Variants in ADAMTS16 observed in about 807,000 individuals in gnomAD.
ADAMTS16 encodes ADAM metallopeptidase with thrombospondin type 1 motif 16.
Under a neutral mutation model 145.8 loss-of-function variants are expected in ADAMTS16, and 94 were observed. The ratio of observed to expected loss-of-function variants is 0.64; its 90% CI spans 0.55 to 0.77. The LOEUF is 0.77. Among genes scored for constraint, ADAMTS16 ranks in the 30% least tolerant of loss-of-function variants. The pLI, the probability that ADAMTS16 is intolerant of heterozygous loss-of-function variation, is 0.00. For synonymous variants in ADAMTS16, 659 were observed against 604.3 expected (o/e 1.09, Z -1.33); for missense variants, 1,585 against 1,591.5 (o/e 1.00, Z 0.07).
intron 18 of ADAMTS16, among the ~76,000 whole-genome samples, chr5:5,286,841 G>T (rs529539394): frequency 1.3e-4 from 17 of 133,316 alleles, no homozygotes; most frequent in Middle Eastern, 4.6e-3. Context: ...CTGGGCGATG[G>T]AGCAAGACTC....
chr5:5,279,118 T>C (rs1579373066), intron 18 of ADAMTS16, among the ~76,000 whole-genome samples: 1 of 152,180 alleles, frequency 6.6e-6, no homozygotes, highest in Non-Finnish European at 1.5e-5. Flanking sequence ...TCATTCCCAG[T>C]GCTGCCCTCC....
intron 2 of ADAMTS16, among the ~76,000 whole-genome samples, chr5:5,143,969 G>A (rs537427851): frequency 2.7e-3 from 396 of 144,784 alleles, no homozygotes; most frequent in Non-Finnish European, 4.5e-3. Context: ...ATCACACACC[G>A]GGCTTGTTGG....
At chr5:5,206,425 C>CAA (rs1173829992) in intron 9 of ADAMTS16, among the ~76,000 whole-genome samples, 2,072 of 39,008 alleles carry the variant, frequency 0.053, 355 homozygotes, top group African/African-American at 0.14. Context: ...GACTCCGTCT[C>CAA]AAAAAAAAAA....
At chr5:5,260,562 G>C (rs976406334) in intron 17 of ADAMTS16, among the ~76,000 whole-genome samples, 2 of 152,124 alleles carry the variant, frequency 1.3e-5, no homozygotes, top group African/African-American at 2.4e-5. Flanking sequence ...AAACTGTGAG[G>C]GTCCTATGTA....
chr5:5,209,333 T>G, intron 10 of ADAMTS16, 87 bp downstream of exon 10: 1 of 1,482,420 alleles, frequency 6.7e-7, no homozygotes, highest in Non-Finnish European at 9.2e-7. Context: ...ATTCTGCATT[T>G]ATTGGGTACC....
intron 11 of ADAMTS16, chr5:5,223,167 G>A (rs1579321817): frequency 4.8e-6 from 2 of 415,782 alleles, no homozygotes; most frequent in South Asian, 3.3e-5. Context: ...GAAACATTAA[G>A]CCATTGACCA....
rs531872907 is a variant in ADAMTS16 at position 5,184,330 on chromosome 5, C to A, written c.764-1722C>A. Among the ~76,000 whole-genome samples, 325 of 108,852 alleles carry A rather than the reference C, an allele frequency of 3.0e-3. 1 individual carries two copies. Among genetic ancestry groups the A allele is most frequent in the African/African-American group, 9.6e-3 (303 of 31,630 alleles). 71.4% of individuals were successfully genotyped at this position (108,852 alleles called of 152,430 possible). ...TGTCACCTACACACAGATGCACCCCCAGGGCACTGTCACCGATGCATGGAT... is the reference window on the plus strand; with the variant it reads ...TGTCACCTACACACAGATGCACCCCAAGGGCACTGTCACCGATGCATGGAT... On this transcript the variant is annotated intron_variant, in intron 4 of 22. Coordinates refer to ENST00000274181, the MANE Select transcript of ADAMTS16 (RefSeq NM_139056.4).
chr5:5,234,001 C>A (rs1486311640), intron 12 of ADAMTS16, among the ~76,000 whole-genome samples: 1 of 152,184 alleles, frequency 6.6e-6, no homozygotes, highest in Non-Finnish European at 1.5e-5. Flanking sequence ...CTCGCCAGCA[C>A]CTGTTATCTT....
At chr5:5,146,025 C>G (rs1305447016) in intron 2 of ADAMTS16, 105 bp from the exon 3 acceptor site, 1 of 971,936 alleles carries the variant, frequency 1.0e-6, no homozygotes, top group Non-Finnish European at 1.5e-6. Flanking sequence ...TCATTTTTGA[C>G]TGGGTGGAAA....
intron 18 of ADAMTS16, among the ~76,000 whole-genome samples, chr5:5,272,431 G>A (rs778314399): frequency 9.1e-5 from 13 of 143,312 alleles, no homozygotes; most frequent in Non-Finnish European, 1.6e-4. Flanking sequence ...GCGCAATCTC[G>A]GCTCACTGCA....
At chr5:5,162,716 C>T (rs1045604027) in intron 3 of ADAMTS16, among the ~76,000 whole-genome samples, 1 of 148,148 alleles carries the variant, frequency 6.8e-6, no homozygotes, top group Non-Finnish European at 1.5e-5. Context: ...GATGAAAGAC[C>T]AGAGAGAGAG....
intron 21 of ADAMTS16, 50 bp from the exon 22 acceptor site, chr5:5,318,084 G>C: frequency 7.6e-7 from 1 of 1,313,756 alleles, no homozygotes; most frequent in Non-Finnish European, 9.8e-7. Flanking sequence ...AGGTTGACCA[G>C]GTGCCTGAGA....
chr5:5,248,216 G>A (rs1737514784), intron 17 of ADAMTS16, among the ~76,000 whole-genome samples: 1 of 152,094 alleles, frequency 6.6e-6, no homozygotes, highest in Non-Finnish European at 1.5e-5. Context: ...TCATTCTATA[G>A]TTCACATTAT....
At chr5:5,234,402 T>C (rs1387492539) in intron 12 of ADAMTS16, among the ~76,000 whole-genome samples, 3 of 152,176 alleles carry the variant, frequency 2.0e-5, no homozygotes, top group Non-Finnish European at 4.4e-5. Flanking sequence ...AGCCCCTCCC[T>C]GTGCAGGGTG....
At chr5:5,167,092 T>A (rs1734905235) in intron 3 of ADAMTS16, among the ~76,000 whole-genome samples, 1 of 152,264 alleles carries the variant, frequency 6.6e-6, no homozygotes, top group Non-Finnish European at 1.5e-5. Flanking sequence ...TCTTTTTTTG[T>A]ACTGCTCATT....
In ADAMTS16 at chr5:5,242,102, C is replaced by G; in HGVS notation, c.2573C>G (p.Pro858Arg). 1 of 1,614,154 alleles carries G rather than the reference C, an allele frequency of 6.2e-7. No individual in the cohort carries two copies. The highest frequency in any genetic ancestry group is 1.3e-5 in the African/African-American group (1 of 75,028). Residue 858 changes from proline (P) to arginine (R), a missense_variant, in exon 17 of 23, where the codon CCT becomes CGT. By Grantham distance (103) the Pro-to-Arg change is moderately radical (BLOSUM62 -2). Around this residue, in one of 3 missense-constraint regions of ADAMTS16, gnomAD observed 834 missense variants for 811.7 expected, o/e 1.03. Transcript: ENST00000274181. Reference protein sequence around the residue: ...NPGVAWEYSMPRLGTEKQPPA... With the variant: ...NPGVAWEYSMRRLGTEKQPPA... ...GGTGTTGCCTGGGAATACTCCATGC[C>G]TCGCTTGGGGACCGAGAAGCAGCCC...
At chr5:5,258,010 A>G (rs1737853061) in intron 17 of ADAMTS16, among the ~76,000 whole-genome samples, 1 of 152,216 alleles carries the variant, frequency 6.6e-6, no homozygotes, top group Non-Finnish European at 1.5e-5. Flanking sequence ...AGAGTTACAT[A>G]GGTCTTGAGA....
intron 18 of ADAMTS16, among the ~76,000 whole-genome samples, chr5:5,271,035 G>T (rs1579363077): frequency 6.6e-6 from 1 of 152,200 alleles, no homozygotes; most frequent in African/African-American, 2.4e-5. Flanking sequence ...TTGAAGGAGG[G>T]TTCCACAAGG....
intron 18 of ADAMTS16, among the ~76,000 whole-genome samples, chr5:5,268,525 T>C (rs1461317082): frequency 6.6e-6 from 1 of 152,198 alleles, no homozygotes; most frequent in African/African-American, 2.4e-5. Flanking sequence ...TCCTTGACTG[T>C]CCATCAAATG....
Sources: allele counts gnomAD v4.1 joint callset (sites outside exome capture counted in the v4.1 genomes callset), GRCh38; gene constraint gnomAD v4.1.1; regional missense constraint gnomAD v4.1.1; transcripts MANE v1.5; gene names NCBI Gene and HGNC (gene_info 2026-07-23, HGNC 2026-07-21).